Variants in NTN1 observed in about 807,000 individuals in gnomAD.
NTN1 encodes the protein netrin-1.
Under a neutral mutation model 54.2 loss-of-function variants are expected in NTN1, and 11 were observed. That is an observed-to-expected ratio of 0.20 (90% CI 0.13 to 0.34). NTN1 has a LOEUF of 0.34. Ranked by LOEUF, NTN1 falls within the 10% of genes least tolerant of loss-of-function variation. The pLI is 1.00. For synonymous variants in NTN1, 371 were observed against 382.0 expected (o/e 0.97, Z 0.33); for missense variants, 740 against 893.1 (o/e 0.83, Z 2.18).
chr17:9,175,138 G>T (rs1284451399), intron 3 of NTN1: 1 of 152,278 alleles, frequency 6.6e-6, no homozygotes, highest in Non-Finnish European at 1.5e-5. Context: ...CCAGGCTCAG[G>T]AGTGTGTCTC....
intron 2 of NTN1, among the ~76,000 whole-genome samples, chr17:9,042,173 A>T (rs531671379): frequency 1.1e-4 from 17 of 152,172 alleles, no homozygotes; most frequent in African/African-American, 3.9e-4. Flanking sequence ...TATCATTTTG[A>T]TTATAGCCAT....
chr17:9,040,786 G>A (rs1480574885), intron 2 of NTN1, among the ~76,000 whole-genome samples: 1 of 151,380 alleles, frequency 6.6e-6, no homozygotes, highest in Non-Finnish European at 1.5e-5. Flanking sequence ...TGGGAGGGTT[G>A]CTCTTTCTTA....
intron 3 of NTN1, chr17:9,171,415 G>A (rs1470992490): frequency 1.3e-5 from 2 of 152,210 alleles, no homozygotes; most frequent in African/African-American, 4.8e-5. Flanking sequence ...AAGATTGTTT[G>A]TTCATTTGAT....
chr17:9,056,955 G>A (rs114733095), intron 2 of NTN1, among the ~76,000 whole-genome samples: 71 of 152,192 alleles, frequency 4.7e-4, no homozygotes, highest in African/African-American at 1.4e-3. Flanking sequence ...TGTGCCCCCC[G>A]TCTCGTCCCT....
At chr17:9,187,656 A>T (rs1362533658) in intron 5 of NTN1, among the ~76,000 whole-genome samples, 1 of 81,592 alleles carries the variant, frequency 1.2e-5, no homozygotes, top group Non-Finnish European at 3.0e-5. Flanking sequence ...CATCTCTCCA[A>T]AAAAAAAAAA....
At chr17:9,227,825 A>G (rs1195242884) in intron 6 of NTN1, among the ~76,000 whole-genome samples, 1 of 38,344 alleles carries the variant, frequency 2.6e-5, no homozygotes, top group African/African-American at 7.9e-5. Flanking sequence ...ACACTATTAC[A>G]CACATACCAC....
At chr17:9,117,787 A>AAAC (rs1555569439) in intron 2 of NTN1, among the ~76,000 whole-genome samples, 1 of 150,448 alleles carries the variant, frequency 6.6e-6, no homozygotes, top group African/African-American at 2.4e-5. Context: ...AAAAAAAAAA[A>AAAC]CAAGCTTCCA....
At chr17:9,203,977 A>C (rs1246556232) in intron 5 of NTN1, among the ~76,000 whole-genome samples, 1 of 152,114 alleles carries the variant, frequency 6.6e-6, no homozygotes, top group East Asian at 1.9e-4. Context: ...GGCTGTTCTG[A>C]GGGTGAAACA....
intron 5 of NTN1, among the ~76,000 whole-genome samples, chr17:9,204,016 G>C (rs1904887423): frequency 6.6e-6 from 1 of 152,140 alleles, no homozygotes; most frequent in African/African-American, 2.4e-5. Context: ...GGCTGTGCCA[G>C]AAAGTGGAGA....
chr17:9,089,063 G>A (rs751139538), intron 2 of NTN1, among the ~76,000 whole-genome samples: 30 of 152,178 alleles, frequency 2.0e-4, no homozygotes, highest in Non-Finnish European at 3.5e-4. Context: ...CTCCTGTGTT[G>A]TGGAGAGCTG....
intron 2 of NTN1, among the ~76,000 whole-genome samples, chr17:9,127,827 T>C (rs2092252335): frequency 6.6e-6 from 1 of 152,056 alleles, no homozygotes; most frequent in Admixed American, 6.6e-5. Context: ...CTAAAAGTAT[T>C]CTAGGTTGGT....
At chr17:9,238,619 AAC>A in intron 6 of NTN1, among the ~76,000 whole-genome samples, 1 of 152,338 alleles carries the variant, frequency 6.6e-6, no homozygotes, top group East Asian at 1.9e-4. Flanking sequence ...TTGAGAAACC[AAC>A]ACACGTATAC....
intron 2 of NTN1, among the ~76,000 whole-genome samples, chr17:9,091,664 G>T (rs913674522): frequency 3.4e-4 from 51 of 151,960 alleles, no homozygotes; most frequent in African/African-American, 1.1e-3. Flanking sequence ...TGTTGGTCAG[G>T]CTGGTCTCGA....
intron 5 of NTN1, among the ~76,000 whole-genome samples, chr17:9,205,352 G>A (rs1597537376): frequency 6.6e-6 from 1 of 152,370 alleles, no homozygotes; most frequent in Middle Eastern, 3.4e-3. Context: ...GGGCAGCCAG[G>A]TGCAGTGGCT....
At chr17:9,010,760 G>A in the NTN1 span, among the ~76,000 whole-genome samples, 538 of 152,242 alleles carry the variant, frequency 3.5e-3, 5 homozygotes, top group African/African-American at 0.012. Context: ...GTAGGGCAGC[G>A]GTCCTCAACC....
At chr17:9,046,741 G>A (rs1169945099) in intron 2 of NTN1, among the ~76,000 whole-genome samples, 2 of 152,110 alleles carry the variant, frequency 1.3e-5, no homozygotes, top group African/African-American at 4.8e-5. Context: ...AGCTGAGATT[G>A]TGCTACTGCA....
At chr17:9,204,193 C>CTCCTTCCTTCCCTCCTTCCTTCCT in intron 5 of NTN1, among the ~76,000 whole-genome samples, 1 of 147,154 alleles carries the variant, frequency 6.8e-6, no homozygotes, top group South Asian at 2.2e-4. Flanking sequence ...CCTTCCTTCC[C>CTCCTTCCTTCCCTCCTTCCTTCCT]TCCTTCCTTC....
intron 2 of NTN1, among the ~76,000 whole-genome samples, chr17:9,045,242 T>A (rs189148048): frequency 6.6e-6 from 1 of 152,360 alleles, no homozygotes; most frequent in Admixed American, 6.5e-5. Context: ...CATGAGCATC[T>A]GCCTCATTGC....
chr17:9,170,287 T>C (rs1281872926), intron 3 of NTN1, among the ~76,000 whole-genome samples: 1 of 152,246 alleles, frequency 6.6e-6, no homozygotes, highest in Non-Finnish European at 1.5e-5. Context: ...GCATGTAGCA[T>C]GCGTTCCATG....
Sources: gnomAD v4.1 joint callset for allele counts (sites outside exome capture counted in the v4.1 genomes callset) on GRCh38, gnomAD v4.1.1 for gene constraint, MANE v1.5 for transcripts, NCBI Gene and HGNC (gene_info 2026-07-23, HGNC 2026-07-21) for gene names.